TACR1: variants seen among roughly 807,000 people sequenced by gnomAD.
TACR1 encodes the protein tachykinin receptor 1.
TACR1 carries 25 observed loss-of-function variants against 35.8 expected under a neutral mutation model. That is an observed-to-expected ratio of 0.70 (90% CI 0.51 to 0.98). The LOEUF (loss-of-function observed/expected upper bound fraction) is 0.98, where lower values mean the gene tolerates loss of function less well. TACR1 is among the 50% of genes least tolerant of loss of function. The pLI, the probability that TACR1 is intolerant of heterozygous loss-of-function variation, is 0.00. For synonymous variants in TACR1, 195 were observed against 206.7 expected (o/e 0.94, Z 0.48); for missense variants, 478 against 522.9 (o/e 0.91, Z 0.84).
chr2:75,130,928 T>A (rs1558563245), intron 1 of TACR1, among the ~76,000 whole-genome samples: 1 of 152,230 alleles, frequency 6.6e-6, no homozygotes, highest in Non-Finnish European at 1.5e-5. Flanking sequence ...CTTTTTCAAT[T>A]CCAATGTTTC....
At chr2:75,081,123 T>C (rs184974945) in intron 2 of TACR1, among the ~76,000 whole-genome samples, 2 of 152,228 alleles carry the variant, frequency 1.3e-5, no homozygotes, top group Admixed American at 6.5e-5. Context: ...CCAGAGGTGC[T>C]AGGAGGAATA....
intron 1 of TACR1, among the ~76,000 whole-genome samples, chr2:75,132,299 A>C (rs1426457244): frequency 6.6e-6 from 1 of 152,178 alleles, no homozygotes; most frequent in African/African-American, 2.4e-5. Flanking sequence ...TATCTCTTAA[A>C]TCTAACCTTC....
At chr2:75,177,509 A>G (rs1675453464) in intron 1 of TACR1, among the ~76,000 whole-genome samples, 1 of 152,154 alleles carries the variant, frequency 6.6e-6, no homozygotes, top group African/African-American at 2.4e-5. Flanking sequence ...CTGTCTGACC[A>G]TTGCCTCCTG....
At chr2:75,049,812 C>A in intron 4 of TACR1, 89 bp from the exon 5 acceptor site, 1 of 1,363,470 alleles carries the variant, frequency 7.3e-7, no homozygotes. Flanking sequence ...AACACATGGA[C>A]ATACCCAAGC....
intron 1 of TACR1, among the ~76,000 whole-genome samples, chr2:75,151,960 G>A (rs750982231): frequency 9.9e-5 from 15 of 152,116 alleles, no homozygotes; most frequent in Non-Finnish European, 1.5e-4. Context: ...CTGCCCATTG[G>A]ATTTCAGACT....
chr2:75,196,654 A>T (rs1675984767), intron 1 of TACR1, among the ~76,000 whole-genome samples: 1 of 152,122 alleles, frequency 6.6e-6, no homozygotes, highest in Admixed American at 6.5e-5. Context: ...TCTGACTCTC[A>T]TCCCCACCCC....
chr2:75,091,939 TACAA>T (rs1490562736), intron 2 of TACR1, among the ~76,000 whole-genome samples: 1 of 152,246 alleles, frequency 6.6e-6, no homozygotes, highest in Non-Finnish European at 1.5e-5. Flanking sequence ...AGCCTCAGTT[TACAA>T]ACAGTCTTCA....
chr2:75,093,657 A>G (rs1558550685), intron 2 of TACR1, among the ~76,000 whole-genome samples: 1 of 152,110 alleles, frequency 6.6e-6, no homozygotes, highest in Non-Finnish European at 1.5e-5. Flanking sequence ...TGGGGTTACA[A>G]CTAGCACATT....
At chr2:75,126,298 A>G (rs544857061) in intron 1 of TACR1, among the ~76,000 whole-genome samples, 1 of 152,304 alleles carries the variant, frequency 6.6e-6, no homozygotes, top group South Asian at 2.1e-4. Flanking sequence ...TCCATGGTGT[A>G]TATGTACCAC....
intron 1 of TACR1, among the ~76,000 whole-genome samples, chr2:75,195,578 TA>T (rs1675950223): frequency 6.6e-6 from 1 of 152,252 alleles, no homozygotes; most frequent in Admixed American, 6.5e-5. Context: ...ACAATTCCTT[TA>T]AAAATCCTTT....
At chr2:75,138,520 C>A (rs1674341101) in intron 1 of TACR1, among the ~76,000 whole-genome samples, 1 of 152,192 alleles carries the variant, frequency 6.6e-6, no homozygotes, top group South Asian at 2.1e-4. Context: ...ATTTTCTTGA[C>A]TCGAAACTGA....
chr2:75,121,691 A>C (rs1673973935), intron 1 of TACR1, among the ~76,000 whole-genome samples: 1 of 152,242 alleles, frequency 6.6e-6, no homozygotes, highest in African/African-American at 2.4e-5. Flanking sequence ...CTCTCTCTGC[A>C]TATTTTTCTT....
intron 1 of TACR1, among the ~76,000 whole-genome samples, chr2:75,172,902 C>T (rs1216066583): frequency 6.6e-6 from 1 of 152,034 alleles, no homozygotes; most frequent in Non-Finnish European, 1.5e-5. Context: ...CTTCATATTG[C>T]CTTTCCTCTA....
In TACR1 at chr2:75,130,502, T is replaced by C. The variant is rs574783173; in HGVS notation, c.390-9734A>G. Among the ~76,000 whole-genome samples, 5 of 152,392 alleles carry C rather than the reference T, an allele frequency of 3.3e-5. No homozygotes were observed. The East Asian group carries it at 9.6e-4, about 29-fold the overall frequency. The stretch of plus-strand genomic sequence containing the variant: ...CCCTTGCTACAGTGATTTTGCTTTT[T>C]CTTGTATAGTGTAAATCCACAACTG... On this transcript the variant is annotated intron_variant, in intron 1 of 4. Coordinates refer to ENST00000305249, the MANE Select transcript of TACR1 (RefSeq NM_001058.4).
At chr2:75,158,605 A>G (rs967356389) in intron 1 of TACR1, among the ~76,000 whole-genome samples, 1 of 152,216 alleles carries the variant, frequency 6.6e-6, no homozygotes, top group Admixed American at 6.5e-5. Flanking sequence ...ATATATTTTC[A>G]TCAATTAATT....
intron 2 of TACR1, among the ~76,000 whole-genome samples, chr2:75,088,313 C>A (rs1259183108): frequency 1.3e-5 from 2 of 152,116 alleles, no homozygotes; most frequent in African/African-American, 4.8e-5. Flanking sequence ...AATACACCCT[C>A]CTTCCTTCCC....
chr2:75,125,134 C>G (rs1385247807), intron 1 of TACR1, among the ~76,000 whole-genome samples: 1 of 152,012 alleles, frequency 6.6e-6, no homozygotes, highest in African/African-American at 2.4e-5. Flanking sequence ...CTTGTGCTGA[C>G]CACGCTTCAC....
intron 2 of TACR1, among the ~76,000 whole-genome samples, chr2:75,087,324 C>A (rs544140963): frequency 6.6e-6 from 1 of 152,134 alleles, no homozygotes; most frequent in Non-Finnish European, 1.5e-5. Context: ...AGTAAGATGA[C>A]CTGGTAACAG....
Position 75,049,037 on chromosome 2 carries a change from T to G in TACR1, c.*395A>C, listed in dbSNP as rs993953120. 1.7e-5 allele frequency: 3 copies of G among 176,930 alleles called. No homozygotes were observed. Among genetic ancestry groups the G allele is most frequent in the Non-Finnish European group, 3.6e-5 (3 of 84,226 alleles). 11.0% of individuals were successfully genotyped at this position (176,930 alleles called of 1,614,324 possible). On this transcript the variant is annotated 3_prime_UTR_variant, in exon 5 of 5. Coordinates refer to ENST00000305249, the MANE Select transcript of TACR1 (RefSeq NM_001058.4). ...CTGCAGGAGGCTAATCTGAGATAAC[T>G]TTATTGAAGTAACACGGGGCTCCAG...
Sources: gnomAD v4.1 joint callset for allele counts (sites outside exome capture counted in the v4.1 genomes callset) on GRCh38, gnomAD v4.1.1 for gene constraint, MANE v1.5 for transcripts, NCBI Gene and HGNC (gene_info 2026-07-23, HGNC 2026-07-21) for gene names.